Variants in CCDC112 observed in about 807,000 individuals in gnomAD.
The protein encoded by CCDC112 is coiled-coil domain containing 112, also known as coiled-coil domain-containing protein 112.
In CCDC112, 40 loss-of-function variants were observed where a neutral mutation model predicts 66.3. That is an observed-to-expected ratio of 0.60 (90% CI 0.47 to 0.79). CCDC112 has a LOEUF of 0.79. Ranked by LOEUF, CCDC112 falls within the 30% of genes least tolerant of loss-of-function variation. The pLI is 0.00. For missense variants in CCDC112, 659 were observed against 603.8 expected, an observed-to-expected ratio of 1.09 and a Z score of -0.96; for synonymous variants, 214 against 197.2, an observed-to-expected ratio of 1.09 and a Z score of -0.71.
At chr5:115,280,931 C>A (rs1055616385) in intron 2 of CCDC112, among the ~76,000 whole-genome samples, 1 of 152,022 alleles carries the variant, frequency 6.6e-6, no homozygotes, top group South Asian at 2.1e-4. Flanking sequence ...AGTGGTGGAG[C>A]ATCACTGGCC....
rs77012548 is a variant in CCDC112 at position 115,271,595 on chromosome 5, T to C, written c.950A>G (p.Gln317Arg). 716 of 1,547,874 alleles carry C rather than the reference T, an allele frequency of 4.6e-4. 2 individuals carry two copies. In the African/African-American group the frequency reaches 9.1e-3, roughly 20 times the overall value. Residue 317 changes from glutamine (Q) to arginine (R), a missense_variant, in exon 7 of 10, where the codon CAA (glutamine) becomes CGA (arginine). Coordinates refer to ENST00000379611, the MANE Select transcript of CCDC112 (RefSeq NM_001040440.3). Reference protein sequence around the residue: ...SIQIWKTKKQQKREEIFKLKE... With the variant: ...SIQIWKTKKQRKREEIFKLKE... ...TAACTTGAAAATTTCCTCCCTTTTT[T>C]GCTGCTTTTTAGTTTTCCAAATCTG...
rs547515541 is a variant in CCDC112 at position 115,284,638 on chromosome 5, C to T, written c.239+149G>A. 23 of 509,972 alleles carry T rather than the reference C, an allele frequency of 4.5e-5. No homozygotes were observed. The South Asian group carries it at 8.1e-4, about 18-fold the overall frequency. The allele number at this position is 509,972 out of a possible 1,614,324, so 31.6% of individuals were successfully genotyped here. ...TTGAACAGCCTATTATTTCATACCTCCCATCTTTCTCTTGTTATATTTGAC... is the reference window on the plus strand; with the variant it reads ...TTGAACAGCCTATTATTTCATACCTTCCATCTTTCTCTTGTTATATTTGAC... On this transcript the variant is annotated intron_variant, in intron 2 of 9. Coordinates refer to ENST00000379611, the MANE Select transcript of CCDC112 (RefSeq NM_001040440.3).
intron 6 of CCDC112, 47 bp downstream of exon 6, chr5:115,275,169 C>G (rs763370750): frequency 1.0e-5 from 15 of 1,433,730 alleles, no homozygotes; most frequent in Admixed American, 2.1e-5. Context: ...AGTACAGTGC[C>G]TAGAACATAG....
In CCDC112 at chr5:115,275,244, A is replaced by C; in HGVS notation, c.890T>G (p.Phe297Cys). ...TTTTTTTCTTTCTTCTAGAGCCAGAAACTTTTGATACCATTTTTCATGCTG... is the reference window on the plus strand; with the variant it reads ...TTTTTTTCTTTCTTCTAGAGCCAGACACTTTTGATACCATTTTTCATGCTG... ...VQQHEKWYQK[F>C]LALEERKKES... The change falls in exon 6 of 10, where the codon TTT becomes TGT. Residue 297 changes from phenylalanine to cysteine, a missense_variant. Coordinates refer to ENST00000379611, the MANE Select transcript of CCDC112 (RefSeq NM_001040440.3). 6.2e-7 allele frequency: 1 copy of C among 1,609,736 alleles called. No homozygotes were observed. Among genetic ancestry groups the C allele is most frequent in the Non-Finnish European group, 8.5e-7 (1 of 1,178,904 alleles).
intron 2 of CCDC112, among the ~76,000 whole-genome samples, chr5:115,282,843 G>T (rs753465241): frequency 3.9e-5 from 6 of 151,976 alleles, no homozygotes; most frequent in African/African-American, 7.2e-5. Context: ...TTTAAAAAAA[G>T]ATATTATAGA....
intron 1 of CCDC112, among the ~76,000 whole-genome samples, chr5:115,293,845 G>A (rs886905960): frequency 5.3e-5 from 8 of 152,154 alleles, no homozygotes; most frequent in African/African-American, 1.7e-4. Context: ...CAGAGGGAAG[G>A]TCCTTAGAAA....
At chr5:115,278,449 C>G (rs149318767) in intron 3 of CCDC112, among the ~76,000 whole-genome samples, 1 of 151,774 alleles carries the variant, frequency 6.6e-6, no homozygotes, top group Non-Finnish European at 1.5e-5. Flanking sequence ...AGTGTAGTAA[C>G]ACTACACTTT....
At chr5:115,272,037 G>A (rs898491158) in intron 6 of CCDC112, among the ~76,000 whole-genome samples, 8 of 148,956 alleles carry the variant, frequency 5.4e-5, no homozygotes, top group African/African-American at 4.9e-5. Flanking sequence ...TGATTCTCCC[G>A]CCTCAGCCTC....
chr5:115,286,578 C>A (rs1373583720), intron 1 of CCDC112, among the ~76,000 whole-genome samples: 1 of 152,058 alleles, frequency 6.6e-6, no homozygotes, highest in Non-Finnish European at 1.5e-5. Flanking sequence ...ATTTCTGGAT[C>A]ATAAAGTAAC....
At position 115,277,032 on chromosome 5, in the gene CCDC112, C is replaced by T; in HGVS notation, c.384G>A (p.Leu128=). ...KTERAKIQQQ[L]AKIHNNVKKL... The stretch of plus-strand genomic sequence containing the variant: ...TCTTTACATTATTATGTATTTTGGC[C>T]AATTGTTGCTGGATTTTTGCTCCTA... Residue 128 remains leucine (L), a synonymous_variant, in exon 4 of 10, where the codon TTG becomes TTA. Coordinates refer to ENST00000379611, the MANE Select transcript of CCDC112 (RefSeq NM_001040440.3). The T allele has an allele frequency of 6.2e-7, 1 of 1,608,826 alleles. No homozygotes were observed. Among genetic ancestry groups the T allele is most frequent in the Admixed American group, 1.7e-5 (1 of 59,912 alleles).
chr5:115,286,811 A>C (rs1397935778), intron 1 of CCDC112, among the ~76,000 whole-genome samples: 1 of 152,058 alleles, frequency 6.6e-6, no homozygotes, highest in Non-Finnish European at 1.5e-5. Context: ...CCACCTCAGG[A>C]GGCTGAGGTG....
chr5:115,290,301 G>T (rs55905761), intron 1 of CCDC112, among the ~76,000 whole-genome samples: 4 of 152,010 alleles, frequency 2.6e-5, no homozygotes, highest in Non-Finnish European at 4.4e-5. Flanking sequence ...AAAACTGTAG[G>T]TGTATGTCTT....
At chr5:115,278,560 A>C (rs777917118) in intron 3 of CCDC112, among the ~76,000 whole-genome samples, 4 of 152,176 alleles carry the variant, frequency 2.6e-5, no homozygotes, top group Non-Finnish European at 5.9e-5. Context: ...TAAAGGGAAA[A>C]TCAAGTGACC....
intron 9 of CCDC112, 44 bp from the exon 10 acceptor site, chr5:115,267,962 T>A: frequency 1.3e-6 from 2 of 1,498,908 alleles, no homozygotes; most frequent in Admixed American, 3.5e-5. Flanking sequence ...TGTAGGAAAT[T>A]AAAAAGAAAA....
rs898002726 is a variant in CCDC112, at chr5:115,279,839, C to T, written c.240-71G>A. 1.6e-5 allele frequency: 13 copies of T among 808,836 alleles called. No homozygotes were observed. The Admixed American group carries it at 3.8e-4, about 24-fold the overall frequency. 50.1% of individuals were successfully genotyped at this position (808,836 alleles called of 1,614,324 possible). A position where few individuals can be genotyped will look rare whatever the true frequency, so the allele number is the denominator to read the frequency against. ...TTTAATAGTTTAAAATATGAAGACACTCAATAATCCGTATTTTATATTTGG... is the reference window on the plus strand; with the variant it reads ...TTTAATAGTTTAAAATATGAAGACATTCAATAATCCGTATTTTATATTTGG... On this transcript the variant is annotated intron_variant, in intron 2 of 9. Transcript: ENST00000379611.
intron 3 of CCDC112, among the ~76,000 whole-genome samples, chr5:115,278,397 T>C (rs1194032918): frequency 6.6e-6 from 1 of 151,972 alleles, no homozygotes; most frequent in Non-Finnish European, 1.5e-5. Context: ...TTCTCTACAC[T>C]AAGGCAAGCA....
intron 1 of CCDC112, among the ~76,000 whole-genome samples, chr5:115,286,318 T>G (rs914412201): frequency 6.6e-6 from 1 of 152,220 alleles, no homozygotes; most frequent in South Asian, 2.1e-4. Context: ...TTGTCTGACT[T>G]CTTTCACTTC....
chr5:115,280,818 T>C (rs765978803), intron 2 of CCDC112, among the ~76,000 whole-genome samples: 1 of 151,930 alleles, frequency 6.6e-6, no homozygotes, highest in Non-Finnish European at 1.5e-5. Flanking sequence ...CCTCCCAAAG[T>C]GCGTGAGCCA....
Position 115,284,731 on chromosome 5 carries a change from T to G in CCDC112, c.239+56A>C, listed in dbSNP as rs1580805258. ...AGGGTAGAGTAGAATTAATTTTTTA[T>G]TGTCCATTATAAAATGGCTAGTAAT... is the stretch of plus-strand genomic sequence containing the variant. On this transcript the variant is annotated intron_variant, in intron 2 of 9. Coordinates refer to ENST00000379611, the MANE Select transcript of CCDC112 (RefSeq NM_001040440.3). 7 of 1,395,102 alleles carry G rather than the reference T, an allele frequency of 5.0e-6. No individual in the cohort carries two copies. The East Asian group carries it at 1.6e-4, about 33-fold the overall frequency. 86.4% of individuals were successfully genotyped at this position (1,395,102 alleles called of 1,614,324 possible).
Sources: allele counts gnomAD v4.1 joint callset (sites outside exome capture counted in the v4.1 genomes callset), GRCh38; gene constraint gnomAD v4.1.1; transcripts MANE v1.5; gene names NCBI Gene and HGNC (gene_info 2026-07-23, HGNC 2026-07-21).